The following RMRP variants were observed in gnomAD, a reference collection of about 807,000 sequenced individuals.
RMRP encodes the protein RNA component of mitochondrial RNA processing endoribonuclease.
exon 1 of RMRP, chr9:35,657,948 T>G (rs199476103): frequency 7.1e-6 from 5 of 700,414 alleles, no homozygotes; most frequent in Non-Finnish European, 1.3e-5. Context: ...CCGGGGACTT[T>G]CCCCTAGGCG....
In RMRP at chr9:35,657,849, G is replaced by A. The variant is rs1020582110; in HGVS notation, n.169C>T. 29 of 700,348 alleles carry A rather than the reference G, an allele frequency of 4.1e-5. No homozygotes were observed. Among genetic ancestry groups the A allele is most frequent in the Non-Finnish European group, 6.8e-5 (26 of 384,838 alleles). The allele number at this position is 700,348 out of a possible 1,614,324, so 43.4% of individuals were successfully genotyped here. On this transcript the variant is annotated non_coding_transcript_exon_variant, in exon 1 of 1. Coordinates refer to ENST00000363046, the Ensembl canonical transcript of RMRP. ...ACGGATGACGCCCCCGCGCCACGCC[G>A]CTCAGCGGGATACGCTTCTTGGCGG...
chr9:35,657,820 G>A lies in RMRP; in HGVS notation n.198C>T, dbSNP rs527471640. 23 of 692,802 alleles carry A rather than the reference G, an allele frequency of 3.3e-5. No homozygotes were observed. Among genetic ancestry groups the A allele is most frequent in the Non-Finnish European group, 5.2e-5 (20 of 384,738 alleles). 42.9% of individuals were successfully genotyped at this position (692,802 alleles called of 1,614,324 possible). A position where few individuals can be genotyped will look rare whatever the true frequency, so the allele number is the denominator to read the frequency against. ...CGCACTGCCTGCGTAACTAGAGGGA[G>A]CTGACGGATGACGCCCCCGCGCCAC... On this transcript the variant is annotated non_coding_transcript_exon_variant, in exon 1 of 1. Transcript: ENST00000363046.
rs1169686514 is a variant in RMRP, at chr9:35,657,790, G to T, written n.228C>A. 4.3e-6 allele frequency: 3 copies of T among 697,894 alleles called. No individual in the cohort carries two copies. Among genetic ancestry groups the T allele is most frequent in the Non-Finnish European group, 7.8e-6 (3 of 382,664 alleles). 43.2% of individuals were successfully genotyped at this position (697,894 alleles called of 1,614,324 possible). On this transcript the variant is annotated non_coding_transcript_exon_variant, in exon 1 of 1. Transcript: ENST00000363046. ...AATGAGCCCCGTGTGGTTGGTGCGCGGACACGCACTGCCTGCGTAACTAGA... is the reference window on the plus strand; with the variant it reads ...AATGAGCCCCGTGTGGTTGGTGCGCTGACACGCACTGCCTGCGTAACTAGA...
rs995230090 is a variant in RMRP, at chr9:35,657,848, C to A, written n.170G>T. On this transcript the variant is annotated non_coding_transcript_exon_variant, in exon 1 of 1. Coordinates refer to ENST00000363046, the Ensembl canonical transcript of RMRP. ...GACGGATGACGCCCCCGCGCCACGC[C>A]GCTCAGCGGGATACGCTTCTTGGCG... The A allele has an allele frequency of 5.8e-6, 4 of 693,746 alleles. No homozygotes were observed. Among genetic ancestry groups the A allele is most frequent in the African/African-American group, 3.9e-5 (2 of 51,180 alleles). The allele number at this position is 693,746 out of a possible 1,614,324, so 43.0% of individuals were successfully genotyped here.
At chr9:35,657,893 G>C (rs1303461251) in exon 1 of RMRP, 3 of 700,470 alleles carry the variant, frequency 4.3e-6, no homozygotes, top group Non-Finnish European at 7.8e-6. Context: ...GTGGGAAGCG[G>C]GGAATGTCTA....
exon 1 of RMRP, chr9:35,657,877 T>C: frequency 1.4e-6 from 1 of 694,468 alleles, no homozygotes; most frequent in Non-Finnish European, 2.6e-6. Context: ...CTTGGCGGAC[T>C]TTGGAGTGGG....
rs1198937575 is a variant in RMRP, at chr9:35,657,909, G to C, written n.109C>G. 1.4e-6 allele frequency: 1 copy of C among 700,488 alleles called. No individual in the cohort carries two copies. The highest frequency in any genetic ancestry group is 2.7e-5 in the East Asian group (1 of 37,286). 43.4% of individuals were successfully genotyped at this position (700,488 alleles called of 1,614,324 possible). On this transcript the variant is annotated non_coding_transcript_exon_variant, in exon 1 of 1. Transcript: ENST00000363046. The stretch of plus-strand genomic sequence containing the variant: ...TGGGAAGCGGGGAATGTCTACGTGC[G>C]TATGCACGTGGCACTCTCTGCCCGA...
At chr9:35,657,884 T>TG (rs1563907014) in exon 1 of RMRP, 1 of 694,878 alleles carries the variant, frequency 1.4e-6, no homozygotes, top group South Asian at 1.5e-5. Context: ...GACTTTGGAG[T>TG]GGGAAGCGGG....
rs1193906088 is a variant in RMRP, at chr9:35,657,786, G to A, written n.232C>T. On this transcript the variant is annotated non_coding_transcript_exon_variant, in exon 1 of 1. Coordinates refer to ENST00000363046, the Ensembl canonical transcript of RMRP. The stretch of plus-strand genomic sequence containing the variant: ...TGAGAATGAGCCCCGTGTGGTTGGT[G>A]CGCGGACACGCACTGCCTGCGTAAC... 2.9e-6 allele frequency: 2 copies of A among 697,968 alleles called. No individual in the cohort carries two copies. The highest frequency in any genetic ancestry group is 5.2e-6 in the Non-Finnish European group (2 of 382,730). 43.2% of individuals were successfully genotyped at this position (697,968 alleles called of 1,614,324 possible). A position where few individuals can be genotyped will look rare whatever the true frequency, so the allele number is the denominator to read the frequency against.
rs1051076135 is a variant in RMRP, at chr9:35,657,833, G to T, written n.185C>A. 2.7e-5 allele frequency: 19 copies of T among 693,184 alleles called. No individual in the cohort carries two copies. The Admixed American group carries it at 3.4e-4, about 13-fold the overall frequency. The allele number at this position is 693,184 out of a possible 1,614,324, so 42.9% of individuals were successfully genotyped here. ...TAACTAGAGGGAGCTGACGGATGAC[G>T]CCCCCGCGCCACGCCGCTCAGCGGG... On this transcript the variant is annotated non_coding_transcript_exon_variant, in exon 1 of 1. Transcript: ENST00000363046.
exon 1 of RMRP, chr9:35,657,789 C>G (rs1263924354): frequency 4.3e-6 from 3 of 697,860 alleles, no homozygotes; most frequent in East Asian, 2.7e-5. Flanking sequence ...GGTTGGTGCG[C>G]GGACACGCAC....
upstream of RMRP, chr9:35,658,017 C>CCACGTCCTCAGCTTCACAGAG (rs1563907710): frequency 1.6e-5 from 11 of 690,388 alleles, no homozygotes; most frequent in South Asian, 3.0e-5. Flanking sequence ...TCAGCACGAA[C>CCACGTCCTCAGCTTCACAGAG]CACGTCCTCA....
Sources: gnomAD v4.1 joint callset for allele counts on GRCh38, gnomAD v4.1.1 for gene constraint, MANE v1.5 for transcripts, NCBI Gene and HGNC (gene_info 2026-07-23, HGNC 2026-07-21) for gene names.